The following CTNND2 variants were observed in gnomAD, a reference collection of about 807,000 sequenced individuals.
CTNND2 encodes catenin delta-2.
In CTNND2, 22 loss-of-function variants were observed where a neutral mutation model predicts 144.4. The observed-to-expected ratio is 0.15, with a 90% confidence interval of 0.11 to 0.22. The LOEUF (loss-of-function observed/expected upper bound fraction) is 0.22, where lower values mean the gene tolerates loss of function less well. Ranked by LOEUF, CTNND2 falls within the 10% of genes least tolerant of loss-of-function variation. CTNND2 has a pLI of 1.00. For synonymous variants in CTNND2, 751 were observed against 695.6 expected, an observed-to-expected ratio of 1.08 and a Z score of -1.25; for missense variants, 1,353 against 1,618.8, an observed-to-expected ratio of 0.84 and a Z score of 2.82.
intron 2 of CTNND2, among the ~76,000 whole-genome samples, chr5:11,659,946 A>G (rs190398171): frequency 1.3e-5 from 2 of 152,154 alleles, no homozygotes. Flanking sequence ...TTTGAAGAGA[A>G]TTGTAAACAC....
intron 10 of CTNND2, among the ~76,000 whole-genome samples, chr5:11,230,171 A>C (rs1382665080): frequency 1.5e-5 from 2 of 132,178 alleles, no homozygotes; most frequent in East Asian, 4.5e-4. Context: ...GAACAATGAG[A>C]TCACATGGAC....
At chr5:11,114,873 G>A (rs1004898662) in intron 13 of CTNND2, among the ~76,000 whole-genome samples, 1 of 151,968 alleles carries the variant, frequency 6.6e-6, no homozygotes, top group African/African-American at 2.4e-5. Context: ...AGGGCTGAGT[G>A]GAAAATGATG....
chr5:10,981,066 A>T (rs1166534203), intron 21 of CTNND2, among the ~76,000 whole-genome samples: 1 of 152,118 alleles, frequency 6.6e-6, no homozygotes, highest in Admixed American at 6.5e-5. Flanking sequence ...TAATAATAAT[A>T]ATAAAAAGAA....
At chr5:11,517,188 G>A (rs1772244006) in intron 3 of CTNND2, among the ~76,000 whole-genome samples, 1 of 152,162 alleles carries the variant, frequency 6.6e-6, no homozygotes, top group Admixed American at 6.6e-5. Context: ...AATCATGCAA[G>A]TATCCTCTTA....
At chr5:11,068,534 AG>A (rs139110707) in intron 16 of CTNND2, among the ~76,000 whole-genome samples, 28,506 of 152,264 alleles carry the variant, frequency 0.19, 3,151 homozygotes, top group Non-Finnish European at 0.26. Flanking sequence ...TAAATTACTT[AG>A]GAAATCTATG....
chr5:11,062,742 T>A (rs1322649361), intron 16 of CTNND2, among the ~76,000 whole-genome samples: 2 of 152,202 alleles, frequency 1.3e-5, no homozygotes, highest in African/African-American at 4.8e-5. Flanking sequence ...TTTGGGGTTT[T>A]AAGGGAATCC....
chr5:11,329,647 T>C (rs1416599450), intron 9 of CTNND2, among the ~76,000 whole-genome samples: 2 of 152,100 alleles, frequency 1.3e-5, no homozygotes, highest in Admixed American at 6.5e-5. Flanking sequence ...TCCTGTGCAA[T>C]AGCAGCCCAG....
chr5:11,425,962 C>T (rs1762742778), intron 3 of CTNND2, among the ~76,000 whole-genome samples: 1 of 152,178 alleles, frequency 6.6e-6, no homozygotes, highest in South Asian at 2.1e-4. Context: ...CATCAGCCTC[C>T]AGGTGATGTG....
intron 8 of CTNND2, among the ~76,000 whole-genome samples, chr5:11,359,353 C>T (rs188505868): frequency 6.6e-6 from 1 of 152,180 alleles, no homozygotes; most frequent in African/African-American, 2.4e-5. Context: ...GTCATTTCTG[C>T]TGCAGTTCAC....
chr5:11,006,741 T>C (rs957392072), intron 18 of CTNND2, among the ~76,000 whole-genome samples: 44 of 152,122 alleles, frequency 2.9e-4, no homozygotes, highest in African/African-American at 1.0e-3. Flanking sequence ...AGAAACCTCA[T>C]TGTGAAGGCT....
At chr5:11,110,040 T>A (rs952916934) in intron 14 of CTNND2, among the ~76,000 whole-genome samples, 2 of 152,188 alleles carry the variant, frequency 1.3e-5, no homozygotes, top group African/African-American at 2.4e-5. Flanking sequence ...TTCCAGGCCC[T>A]GAAGTTAACC....
intron 1 of CTNND2, among the ~76,000 whole-genome samples, chr5:11,757,400 T>C (rs927942360): frequency 1.2e-4 from 18 of 151,878 alleles, no homozygotes; most frequent in African/African-American, 4.3e-4. Context: ...ATTTTGCTCA[T>C]AAATATATGT....
chr5:11,899,114 G>A (rs1252028377), intron 1 of CTNND2, among the ~76,000 whole-genome samples: 1 of 152,168 alleles, frequency 6.6e-6, no homozygotes, highest in African/African-American at 2.4e-5. Flanking sequence ...TCAAGGACTT[G>A]ATTTTAATTG....
chr5:11,750,670 G>A (rs1014320559), intron 1 of CTNND2, among the ~76,000 whole-genome samples: 1 of 151,752 alleles, frequency 6.6e-6, no homozygotes, highest in African/African-American at 2.4e-5. Flanking sequence ...ATTGGTATAG[G>A]TAACATTGGT....
chr5:11,866,414 T>G (rs1201904864), intron 1 of CTNND2, among the ~76,000 whole-genome samples: 1 of 152,224 alleles, frequency 6.6e-6, no homozygotes, highest in Admixed American at 6.5e-5. Context: ...CAATGCATCA[T>G]GTGAGGACAC....
intron 18 of CTNND2, among the ~76,000 whole-genome samples, chr5:11,016,609 C>G (rs144404575): frequency 6.6e-6 from 1 of 152,128 alleles, no homozygotes; most frequent in African/African-American, 2.4e-5. Context: ...CTTGGCTTTC[C>G]CACTCCCTGC....
chr5:11,133,562 G>T (rs1254454873), intron 12 of CTNND2, among the ~76,000 whole-genome samples: 1 of 152,062 alleles, frequency 6.6e-6, no homozygotes, highest in East Asian at 1.9e-4. Context: ...ATGTTGGTCA[G>T]GCTGGTTCCG....
chr5:11,118,692 G>A (rs552689171), intron 12 of CTNND2, among the ~76,000 whole-genome samples: 3 of 152,332 alleles, frequency 2.0e-5, no homozygotes, highest in African/African-American at 7.2e-5. Flanking sequence ...AGATCCCAAG[G>A]ATCAGTAAGC....
intron 1 of CTNND2, among the ~76,000 whole-genome samples, chr5:11,804,470 G>C (rs1475360589): frequency 2.0e-5 from 3 of 152,076 alleles, no homozygotes; most frequent in African/African-American, 4.8e-5. Flanking sequence ...TTCAAAAGAT[G>C]AATGGATAAA....
Sources: gnomAD v4.1 joint callset for allele counts (sites outside exome capture counted in the v4.1 genomes callset) on GRCh38, gnomAD v4.1.1 for gene constraint, MANE v1.5 for transcripts, NCBI Gene and HGNC (gene_info 2026-07-23, HGNC 2026-07-21) for gene names.